Variants in CNTNAP4 observed in about 807,000 individuals in gnomAD.
The protein encoded by CNTNAP4 is contactin-associated protein-like 4.
A neutral mutation model predicts 148.4 loss-of-function variants in CNTNAP4; 98 were observed. The ratio of observed to expected loss-of-function variants is 0.66; its 90% CI spans 0.56 to 0.78. The LOEUF is 0.78. CNTNAP4 is among the 30% of genes least tolerant of loss of function. CNTNAP4 has a pLI of 0.00. For missense variants in CNTNAP4, 1,935 were observed against 1,565.6 expected (o/e 1.24, Z -3.98); for synonymous variants, 730 against 565.1 (o/e 1.29, Z -4.14).
At chr16:76,538,565 A>G (rs2084319447) in intron 19 of CNTNAP4, among the ~76,000 whole-genome samples, 2 of 152,022 alleles carry the variant, frequency 1.3e-5, no homozygotes, top group Admixed American at 6.6e-5. Flanking sequence ...AATTTTACAT[A>G]TTCAATGTAT....
At chr16:76,344,001 T>C (rs373526338) in intron 2 of CNTNAP4, among the ~76,000 whole-genome samples, 1 of 152,292 alleles carries the variant, frequency 6.6e-6, no homozygotes, top group East Asian at 1.9e-4. Flanking sequence ...AAGCAATTCA[T>C]TGTGTAGTAA....
chr16:76,535,659 G>T lies in CNTNAP4; in HGVS notation c.2870G>T (p.Gly957Val). The change falls in exon 18 of 24, where the codon GGT becomes GTT. Residue 957 changes from glycine to valine, a missense_variant. Coordinates refer to ENST00000611870, the MANE Select transcript of CNTNAP4 (RefSeq NM_033401.5). ...RAQVTPEVQP[G>V]CRGHCSSYGK... The stretch of plus-strand genomic sequence containing the variant: ...CAGGTGACTCCAGAAGTGCAGCCAG[G>T]TTGTAGGGGACATTGCAGCAGCTAT... The T allele has an allele frequency of 6.2e-7, 1 of 1,614,084 alleles. No individual in the cohort carries two copies.
intron 21 of CNTNAP4, among the ~76,000 whole-genome samples, chr16:76,550,793 C>T (rs1440051943): frequency 1.3e-5 from 2 of 151,960 alleles, no homozygotes; most frequent in Admixed American, 6.5e-5. Flanking sequence ...TGGTTCCATA[C>T]ACATTGATGA....
intron 8 of CNTNAP4, among the ~76,000 whole-genome samples, chr16:76,458,252 A>G (rs990341014): frequency 2.0e-5 from 3 of 152,154 alleles, no homozygotes; most frequent in Admixed American, 2.0e-4. Context: ...ATACTACAAT[A>G]AATACGTGAA....
At chr16:76,328,825 A>C (rs1963252360) in intron 2 of CNTNAP4, among the ~76,000 whole-genome samples, 1 of 152,078 alleles carries the variant, frequency 6.6e-6, no homozygotes. Flanking sequence ...TTGTATTTTT[A>C]GTAGAGACGG....
At position 76,535,378 on chromosome 16, in the gene CNTNAP4, T is replaced by C. The variant is rs114077617; in HGVS notation, c.2756-167T>C. Reference sequence around the variant, plus strand: ...AACTTTTAAAAAAATTGAATTAAAGTTGTATCTTTCTTGGAGTCTATATTT... The same window carrying C: ...AACTTTTAAAAAAATTGAATTAAAGCTGTATCTTTCTTGGAGTCTATATTT... On this transcript the variant is annotated intron_variant, in intron 17 of 23. Transcript: ENST00000611870. Among the ~76,000 whole-genome samples the C allele has an allele frequency of 3.8e-3, 572 of 152,310 alleles. 1 individual carries two copies. The highest frequency in any genetic ancestry group is 0.013 in the African/African-American group (543 of 41,578).
At chr16:76,439,824 T>C (rs1244231635) in intron 4 of CNTNAP4, among the ~76,000 whole-genome samples, 1 of 152,164 alleles carries the variant, frequency 6.6e-6, no homozygotes, top group Non-Finnish European at 1.5e-5. Flanking sequence ...AATCATTCTG[T>C]GTTCTGTTAT....
chr16:76,450,562 G>C (rs1597582789), intron 7 of CNTNAP4, among the ~76,000 whole-genome samples: 1 of 152,184 alleles, frequency 6.6e-6, no homozygotes, highest in East Asian at 1.9e-4. Flanking sequence ...TGAAAAACTT[G>C]TATTTTGCCA....
chr16:76,310,082 C>T (rs776005891), intron 1 of CNTNAP4, among the ~76,000 whole-genome samples: 93 of 152,054 alleles, frequency 6.1e-4, no homozygotes, highest in Admixed American at 1.8e-3. Flanking sequence ...AGTAGTTTGG[C>T]TTCCTGGGCT....
At chr16:76,381,391 T>C (rs933893236) in intron 3 of CNTNAP4, among the ~76,000 whole-genome samples, 1 of 152,088 alleles carries the variant, frequency 6.6e-6, no homozygotes, top group Admixed American at 6.5e-5. Context: ...GACACATGGC[T>C]CTATCTAGGA....
Position 76,489,761 on chromosome 16 carries a change from A to T in CNTNAP4, c.1958A>T (p.Tyr653Phe). The T allele has an allele frequency of 5.6e-6, 9 of 1,604,750 alleles. No homozygotes were observed. Among genetic ancestry groups the T allele is most frequent in the Non-Finnish European group, 7.7e-6 (9 of 1,175,050 alleles). ...AGAAATACTAATCCAGAGAACCCAT[A>T]TGCTGGGTTTTTCGAGTATGTGGCC... ...RVRNTNPENP[Y>F]AGFFEYVASM... Residue 653 changes from tyrosine to phenylalanine, a missense_variant, in exon 13 of 24, where the codon TAT (tyrosine) becomes TTT (phenylalanine). Transcript: ENST00000611870.
intron 1 of CNTNAP4, among the ~76,000 whole-genome samples, chr16:76,311,660 T>C (rs2144040798): frequency 6.6e-6 from 1 of 152,356 alleles, no homozygotes; most frequent in Admixed American, 6.5e-5. Flanking sequence ...TGGATAAGCA[T>C]GGAGTAATGA....
chr16:76,529,217 A>G (rs566034351), intron 17 of CNTNAP4, among the ~76,000 whole-genome samples: 18 of 152,088 alleles, frequency 1.2e-4, no homozygotes, highest in African/African-American at 3.9e-4. Context: ...GGTCTTTACT[A>G]TCCTTTTCAT....
intron 3 of CNTNAP4, among the ~76,000 whole-genome samples, chr16:76,402,996 G>C (rs947129852): frequency 6.6e-6 from 1 of 150,792 alleles, no homozygotes; most frequent in African/African-American, 2.4e-5. Context: ...ATGTAGCAAT[G>C]ATAACAACAT....
rs549307729 is a variant in CNTNAP4 at position 76,333,574 on chromosome 16, G to A, written c.196+17051G>A. Among the ~76,000 whole-genome samples the A allele has an allele frequency of 4.6e-5, 7 of 152,032 alleles. No individual in the cohort carries two copies. The East Asian group carries it at 1.2e-3, about 25-fold the overall frequency. On this transcript the variant is annotated intron_variant, in intron 2 of 23. Transcript: ENST00000611870. Reference sequence around the variant, plus strand: ...ATAGCTGATTTAAAATCCATGTTTAGTTGATCCAATATCATTGCTTCCTCA... The same window carrying A: ...ATAGCTGATTTAAAATCCATGTTTAATTGATCCAATATCATTGCTTCCTCA...
intron 21 of CNTNAP4, among the ~76,000 whole-genome samples, chr16:76,541,095 A>G (rs2084433855): frequency 1.3e-5 from 2 of 152,226 alleles, no homozygotes. Context: ...TGAAAATAAA[A>G]AATAACAAAG....
At chr16:76,485,236 G>C (rs1485945736) in intron 12 of CNTNAP4, among the ~76,000 whole-genome samples, 1 of 152,134 alleles carries the variant, frequency 6.6e-6, no homozygotes, top group African/African-American at 2.4e-5. Flanking sequence ...TCCTGCCTCA[G>C]CCTCCCGAGT....
chr16:76,522,515 G>A (rs2083494754), intron 17 of CNTNAP4, among the ~76,000 whole-genome samples: 1 of 151,980 alleles, frequency 6.6e-6, no homozygotes, highest in African/African-American at 2.4e-5. Context: ...TCTCATAAAT[G>A]AGATTCAGAT....
At position 76,535,657 on chromosome 16, in the gene CNTNAP4, A is replaced by T; in HGVS notation, c.2868A>T (p.Pro956=). The change falls in exon 18 of 24, where the codon CCA becomes CCT. Residue 956 remains proline, a synonymous_variant. Transcript: ENST00000611870. ...CCCAGGTGACTCCAGAAGTGCAGCC[A>T]GGTTGTAGGGGACATTGCAGCAGCT... is the stretch of plus-strand genomic sequence containing the variant. ...ERAQVTPEVQ[P]GCRGHCSSYG... 5 of 1,614,056 alleles carry T rather than the reference A, an allele frequency of 3.1e-6. No homozygotes were observed. The highest frequency in any genetic ancestry group is 3.4e-6 in the Non-Finnish European group (4 of 1,179,992).
Sources: gnomAD v4.1 joint callset for allele counts (sites outside exome capture counted in the v4.1 genomes callset) on GRCh38, gnomAD v4.1.1 for gene constraint, MANE v1.5 for transcripts, NCBI Gene and HGNC (gene_info 2026-07-23, HGNC 2026-07-21) for gene names.